ZNF385D: variants seen among roughly 807,000 people sequenced by gnomAD.
The protein encoded by ZNF385D is zinc finger protein 385D.
In ZNF385D, 15 loss-of-function variants were observed where a neutral mutation model predicts 35.8. That is an observed-to-expected ratio of 0.42 (90% CI 0.28 to 0.64). ZNF385D has a LOEUF of 0.64. Ranked by LOEUF, ZNF385D falls within the 30% of genes least tolerant of loss-of-function variation. The pLI is 0.23. For synonymous variants in ZNF385D, 212 were observed against 186.8 expected (o/e 1.13, Z -1.10); for missense variants, 474 against 494.6 (o/e 0.96, Z 0.39).
At chr3:21,732,972 G>A (rs2069085512) in intron 1 of ZNF385D, among the ~76,000 whole-genome samples, 1 of 152,110 alleles carries the variant, frequency 6.6e-6, no homozygotes, top group Non-Finnish European at 1.5e-5. Context: ...CCAAATCCAA[G>A]GTCCTCTAGA....
At position 21,812,980 on chromosome 3, in the gene ZNF385D, G is replaced by A. The variant is rs531732710; in HGVS notation, c.326-147952C>T. ...ACTGACACCTCATACAGCTGGGTGC[G>A]CCTCTGAGATGAAGCTTCCAGAGGA... On this transcript the variant is annotated intron_variant, in intron 3 of 5. Coordinates refer to the ZNF385D transcript ENST00000494108. 5.3e-5 allele frequency among the ~76,000 whole-genome samples: 8 copies of A among 151,850 alleles called. No individual in the cohort carries two copies. The South Asian group carries it at 6.2e-4, about 12-fold the overall frequency.
At chr3:22,069,593 T>C (rs1045462094) in intron 3 of ZNF385D, among the ~76,000 whole-genome samples, 1 of 152,208 alleles carries the variant, frequency 6.6e-6, no homozygotes, top group African/African-American at 2.4e-5. Context: ...TGTTTTAGAA[T>C]GGTATCTAGT....
At chr3:21,728,388 G>T (rs1427943608) in intron 1 of ZNF385D, among the ~76,000 whole-genome samples, 1 of 151,952 alleles carries the variant, frequency 6.6e-6, no homozygotes, top group African/African-American at 2.4e-5. Flanking sequence ...TGGAAAAACA[G>T]AATTTAACGT....
intron 1 of ZNF385D, among the ~76,000 whole-genome samples, chr3:21,721,887 G>T (rs1426269521): frequency 6.6e-6 from 1 of 152,082 alleles, no homozygotes; most frequent in Admixed American, 6.5e-5. Context: ...ATCACCTGAG[G>T]TCAGGAGTTC....
At chr3:22,248,065 C>T (rs1308168967) in intron 2 of ZNF385D, among the ~76,000 whole-genome samples, 1 of 152,118 alleles carries the variant, frequency 6.6e-6, no homozygotes, top group Non-Finnish European at 1.5e-5. Flanking sequence ...TCTGGTAGCC[C>T]TCAATCAAGC....
chr3:22,303,961 A>C lies in ZNF385D; in HGVS notation c.106+68489T>G, dbSNP rs181321910. ...CCCGGCTAATTTTTGTATTTTTAGTAGAGACAGGGTTTCACCATGTTGGCC... is the reference window on the plus strand; with the variant it reads ...CCCGGCTAATTTTTGTATTTTTAGTCGAGACAGGGTTTCACCATGTTGGCC... On this transcript the variant is annotated intron_variant, in intron 2 of 5. Coordinates refer to the ZNF385D transcript ENST00000494108. 3.0e-4 allele frequency among the ~76,000 whole-genome samples: 45 copies of C among 152,234 alleles called. No homozygotes were observed. The East Asian group carries it at 7.2e-3, about 24-fold the overall frequency.
intron 2 of ZNF385D, among the ~76,000 whole-genome samples, chr3:22,263,378 T>G (rs897141551): frequency 1.3e-5 from 2 of 152,038 alleles, no homozygotes; most frequent in African/African-American, 4.8e-5. Flanking sequence ...TTCACAAAAC[T>G]TTCATCTTTC....
intron 3 of ZNF385D, among the ~76,000 whole-genome samples, chr3:21,841,637 TTTC>T (rs1421028158): frequency 3.9e-5 from 6 of 152,082 alleles, no homozygotes; most frequent in African/African-American, 1.4e-4. Context: ...CCATTTTATT[TTTC>T]TTGTCATTTT....
At chr3:21,542,142 T>C (rs982910346) in intron 3 of ZNF385D, among the ~76,000 whole-genome samples, 2 of 152,322 alleles carry the variant, frequency 1.3e-5, no homozygotes, top group East Asian at 3.9e-4. Context: ...CATGCTCAAG[T>C]CTAATTGCAC....
intron 3 of ZNF385D, among the ~76,000 whole-genome samples, chr3:21,514,771 T>C (rs1246716375): frequency 6.6e-6 from 1 of 152,060 alleles, no homozygotes; most frequent in Non-Finnish European, 1.5e-5. Flanking sequence ...TTCTAGAGGC[T>C]GTCAAATTCT....
At chr3:21,750,327 T>C (rs776446314) in intron 1 of ZNF385D, among the ~76,000 whole-genome samples, 6 of 152,220 alleles carry the variant, frequency 3.9e-5, no homozygotes, top group Admixed American at 3.9e-4. Context: ...CTCCGAGACC[T>C]CTAAAGGTTT....
intron 2 of ZNF385D, among the ~76,000 whole-genome samples, chr3:21,604,470 C>T (rs935709721): frequency 5.3e-5 from 8 of 152,046 alleles, no homozygotes; most frequent in Non-Finnish European, 1.2e-4. Context: ...CAGTGCTATG[C>T]TAAGAGGAAT....
At chr3:21,811,048 G>T (rs973160236) in intron 3 of ZNF385D, among the ~76,000 whole-genome samples, 33 of 149,516 alleles carry the variant, frequency 2.2e-4, no homozygotes, top group Admixed American at 4.0e-4. Flanking sequence ...AATGTCTTTA[G>T]CAACCAGGAT....
At chr3:21,593,634 A>T (rs773280583) in intron 2 of ZNF385D, among the ~76,000 whole-genome samples, 2 of 152,114 alleles carry the variant, frequency 1.3e-5, no homozygotes, top group Non-Finnish European at 2.9e-5. Flanking sequence ...ACACATGCCA[A>T]TATGTACACA....
chr3:22,203,711 C>T (rs938583636), intron 2 of ZNF385D, among the ~76,000 whole-genome samples: 6 of 151,974 alleles, frequency 3.9e-5, no homozygotes, highest in East Asian at 1.9e-4. Flanking sequence ...CCAAATGGAC[C>T]GGTGGTTGTG....
At chr3:22,359,785 G>A (rs1696330977) in intron 2 of ZNF385D, among the ~76,000 whole-genome samples, 3 of 151,774 alleles carry the variant, frequency 2.0e-5, no homozygotes, top group Admixed American at 6.6e-5. Context: ...ATGTCTCATT[G>A]GTAAGGAAAC....
chr3:22,062,635 T>C (rs1699750392), intron 3 of ZNF385D, among the ~76,000 whole-genome samples: 1 of 152,194 alleles, frequency 6.6e-6, no homozygotes, highest in African/African-American at 2.4e-5. Flanking sequence ...CCCCCAAAGA[T>C]GCACTCTATC....
intron 3 of ZNF385D, among the ~76,000 whole-genome samples, chr3:21,546,310 C>T (rs868452434): frequency 1.3e-5 from 2 of 152,172 alleles, no homozygotes; most frequent in Middle Eastern, 3.4e-3. Flanking sequence ...AGCAATTATC[C>T]TGCAAATCCT....
chr3:22,202,781 G>A (rs1054807408), intron 2 of ZNF385D, among the ~76,000 whole-genome samples: 1 of 152,076 alleles, frequency 6.6e-6, no homozygotes, highest in Non-Finnish European at 1.5e-5. Context: ...GACTTTGCAT[G>A]GGCAGGCTGT....
Sources: allele counts gnomAD v4.1 joint callset (sites outside exome capture counted in the v4.1 genomes callset), GRCh38; gene constraint gnomAD v4.1.1; transcripts MANE v1.5; gene names NCBI Gene and HGNC (gene_info 2026-07-23, HGNC 2026-07-21).